Variants in DPP6 observed in about 807,000 individuals in gnomAD.
DPP6 encodes dipeptidyl peptidase like 6.
DPP6 carries 69 observed loss-of-function variants against 122.6 expected under a neutral mutation model. The observed-to-expected ratio is 0.56, with a 90% CI of 0.46 to 0.69. The LOEUF is 0.69. Ranked by LOEUF, DPP6 falls within the 30% of genes least tolerant of loss-of-function variation. DPP6 has a pLI of 0.00. For missense variants in DPP6, 928 were observed against 1,116.9 expected, an observed-to-expected ratio of 0.83 and a Z score of 2.41; for synonymous variants, 418 against 433.1, an observed-to-expected ratio of 0.97 and a Z score of 0.43.
chr7:153,749,576 A>T, the DPP6 span, among the ~76,000 whole-genome samples: 8 of 152,328 alleles, frequency 5.3e-5, no homozygotes, highest in South Asian at 1.5e-3. This position sits in a 1 kb window ranked among gnomAD's most constrained non-coding sequence, Gnocchi z 4.1. Flanking sequence ...CGGCGGCCTA[A>T]GGAATTCTGG....
At chr7:154,480,348 T>C (rs1184371573) in intron 3 of DPP6, among the ~76,000 whole-genome samples, 1 of 152,148 alleles carries the variant, frequency 6.6e-6, no homozygotes, top group Non-Finnish European at 1.5e-5. Flanking sequence ...CCCGTTAGGC[T>C]ACCACGCCCA....
At chr7:154,110,396 T>A (rs577258753) in intron 1 of DPP6, among the ~76,000 whole-genome samples, 3 of 152,306 alleles carry the variant, frequency 2.0e-5, no homozygotes, top group South Asian at 4.1e-4. Context: ...AAAAGAAGCA[T>A]CACTCTGCTT....
chr7:153,886,657 C>A (rs1435511977), upstream of DPP6, among the ~76,000 whole-genome samples: 1 of 152,208 alleles, frequency 6.6e-6, no homozygotes, highest in Non-Finnish European at 1.5e-5. Flanking sequence ...AGGTCCTCTG[C>A]GCCCTGGAAT....
chr7:154,464,433 C>A (rs1190134185), intron 2 of DPP6, among the ~76,000 whole-genome samples: 1 of 152,186 alleles, frequency 6.6e-6, no homozygotes, highest in Non-Finnish European at 1.5e-5. Context: ...ATTTTTGGTT[C>A]TTTACGAGCT....
intron 3 of DPP6, among the ~76,000 whole-genome samples, chr7:154,526,076 C>G (rs978727941): frequency 6.6e-6 from 1 of 152,274 alleles, no homozygotes; most frequent in African/African-American, 2.4e-5. Context: ...ACTTTTTAAT[C>G]CATTGATTCT....
At position 154,411,304 on chromosome 7, in the gene DPP6, A is replaced by T. The variant is rs138507927; in HGVS notation, c.244-34910A>T. On this transcript the variant is annotated intron_variant, in intron 1 of 25. Transcript: ENST00000377770. ...ACTCCCATTGCCCAGGCTGAAGTAC[A>T]GTGTCGTGATCATGGCACTTGACCT... is the stretch of plus-strand genomic sequence containing the variant. Among the ~76,000 whole-genome samples, 130 of 152,284 alleles carry T rather than the reference A, an allele frequency of 8.5e-4. No homozygotes were observed. In the East Asian group the frequency reaches 0.022, roughly 25 times the overall value.
intron 1 of DPP6, among the ~76,000 whole-genome samples, chr7:154,226,236 G>A (rs1800593706): frequency 6.6e-6 from 1 of 152,164 alleles, no homozygotes; most frequent in South Asian, 2.1e-4. Context: ...TGCTCTTTCA[G>A]AAATTCCAGT....
Position 154,062,176 on chromosome 7 carries a change from A to C in DPP6, c.243+9113A>C, listed in dbSNP as rs1346713255. ...CACCGGCTTAGGACCCACATCGTTG[A>C]TCCTAAGATCCTTAGGACCCACCTG... On this transcript the variant is annotated intron_variant, in intron 1 of 25. Coordinates refer to ENST00000377770, the MANE Select transcript of DPP6 (RefSeq NM_130797.4). 3.3e-4 allele frequency among the ~76,000 whole-genome samples: 34 copies of C among 102,090 alleles called. 11 individuals carry two copies. Among genetic ancestry groups the C allele is most frequent in the Non-Finnish European group, 6.2e-4 (29 of 46,558 alleles). 67.0% of individuals were successfully genotyped at this position (102,090 alleles called of 152,430 possible).
At chr7:154,384,731 TTCTTTCTTTTA>T (rs1813926618) in intron 1 of DPP6, among the ~76,000 whole-genome samples, 1 of 118,058 alleles carries the variant, frequency 8.5e-6, no homozygotes, top group South Asian at 2.7e-4. Context: ...CTTTCTTTCT[TTCTTTCTTTTA>T]TTTTTTTTTG....
At chr7:154,269,246 G>A (rs1441625871) in intron 1 of DPP6, among the ~76,000 whole-genome samples, 1 of 152,020 alleles carries the variant, frequency 6.6e-6, no homozygotes, top group East Asian at 1.9e-4. Flanking sequence ...CCACACAACT[G>A]GTAAGTGGAA....
the DPP6 span, among the ~76,000 whole-genome samples, chr7:153,831,289 CA>C: frequency 6.6e-6 from 1 of 152,194 alleles, no homozygotes; most frequent in Non-Finnish European, 1.5e-5. Flanking sequence ...GAGGAGCTAA[CA>C]TTTCCAAAGG....
intron 1 of DPP6, among the ~76,000 whole-genome samples, chr7:154,256,569 A>T (rs1408407800): frequency 6.6e-6 from 1 of 152,224 alleles, no homozygotes; most frequent in East Asian, 1.9e-4. Flanking sequence ...CAGAATCATG[A>T]CAGAATTTGG....
At chr7:153,926,941 A>C (rs1180820235) in intron 1 of DPP6, among the ~76,000 whole-genome samples, 2 of 152,248 alleles carry the variant, frequency 1.3e-5, no homozygotes, top group African/African-American at 4.8e-5. Context: ...ATTCATTGTA[A>C]GAAATTCCAA....
intron 7 of DPP6, among the ~76,000 whole-genome samples, chr7:154,690,292 A>G (rs1357791038): frequency 6.6e-6 from 1 of 152,160 alleles, no homozygotes; most frequent in Non-Finnish European, 1.5e-5. Context: ...TTGTTAGTAC[A>G]GTTTGCTAGG....
At chr7:154,374,389 G>A (rs1812934750) in intron 1 of DPP6, among the ~76,000 whole-genome samples, 1 of 152,118 alleles carries the variant, frequency 6.6e-6, no homozygotes, top group Non-Finnish European at 1.5e-5. Context: ...TGTTGCACGT[G>A]AGCCATTTTA....
rs370442197 is a variant in DPP6 at position 154,228,548 on chromosome 7, GAA to G, written c.243+175487_243+175488del. On this transcript the variant is annotated intron_variant, in intron 1 of 25. Coordinates refer to ENST00000377770, the MANE Select transcript of DPP6 (RefSeq NM_130797.4). ...AGACAAATGGGCAGGCTATCAGAGA[GAA>G]ATGGAAACTGGGAAAGAATCTATTT... Among the ~76,000 whole-genome samples the G allele has an allele frequency of 5.1e-3, 783 of 152,236 alleles. 5 individuals carry two copies. Among genetic ancestry groups the G allele is most frequent in the African/African-American group, 0.018 (728 of 41,536 alleles).
intron 8 of DPP6, among the ~76,000 whole-genome samples, chr7:154,753,761 C>T (rs1480913231): frequency 6.6e-6 from 1 of 152,132 alleles, no homozygotes; most frequent in Admixed American, 6.5e-5. Flanking sequence ...CAGGGTTTTG[C>T]CCAGCCGCCT....
the DPP6 span, among the ~76,000 whole-genome samples, chr7:153,749,426 C>T: frequency 1.3e-4 from 20 of 152,164 alleles, no homozygotes; most frequent in African/African-American, 4.1e-4. The surrounding 1 kb of genome is among the most constrained non-coding windows in gnomAD (Gnocchi z 4.1). Flanking sequence ...AGCTCTTTCC[C>T]GGGAAGCGCG....
chr7:154,627,461 G>C (rs1279968074), intron 5 of DPP6, among the ~76,000 whole-genome samples: 2 of 150,972 alleles, frequency 1.3e-5, no homozygotes, highest in African/African-American at 2.4e-5. Context: ...GCCTCCCAAA[G>C]TGCTGGGATT....
Sources: allele counts gnomAD v4.1 joint callset (sites outside exome capture counted in the v4.1 genomes callset), GRCh38; gene constraint gnomAD v4.1.1; non-coding constraint Gnocchi (gnomAD v3.1); transcripts MANE v1.5; gene names NCBI Gene and HGNC (gene_info 2026-07-23, HGNC 2026-07-21).